C3orf22: variants seen among roughly 807,000 people sequenced by gnomAD.
The protein encoded by C3orf22 is chromosome 3 open reading frame 22, also known as uncharacterized protein C3orf22.
Under a neutral mutation model 10.8 loss-of-function variants are expected in C3orf22, and 7 were observed. The ratio of observed to expected loss-of-function variants is 0.65; its 90% CI spans 0.37 to 1.22. The LOEUF (loss-of-function observed/expected upper bound fraction) is 1.22, where lower values mean the gene tolerates loss of function less well. Among genes scored for constraint, C3orf22 ranks in the 50% most tolerant of loss-of-function variants. The pLI is 0.02. For missense variants in C3orf22, 173 were observed against 177.0 expected (o/e 0.98, Z 0.13); for synonymous variants, 79 against 78.9 (o/e 1.00, Z 0.00).
intron 2 of C3orf22, among the ~76,000 whole-genome samples, chr3:126,552,398 G>A (rs1937212962): frequency 6.6e-6 from 1 of 152,216 alleles, no homozygotes; most frequent in African/African-American, 2.4e-5. Context: ...ACGGTGCAGA[G>A]CACTTGAGCC....
chr3:126,540,050 G>T (rs948618409), intron 4 of C3orf22, among the ~76,000 whole-genome samples: 21 of 147,014 alleles, frequency 1.4e-4, no homozygotes, highest in Non-Finnish European at 2.6e-4. Flanking sequence ...ACCACACAGA[G>T]ACATCATGCA....
Position 126,537,944 on chromosome 3 carries a change from C to T in C3orf22, c.287-8572G>A, listed in dbSNP as rs111339448. On this transcript the variant is annotated intron_variant and NMD_transcript_variant, in intron 4 of 5. Transcript: ENST00000505070. ...GACTAGAGCCAGCAAGGAATCCAGGCAGCCACACTGTGGGGGTGAGGACAG... is the reference window on the plus strand; with the variant it reads ...GACTAGAGCCAGCAAGGAATCCAGGTAGCCACACTGTGGGGGTGAGGACAG... Among the ~76,000 whole-genome samples, 1,331 of 152,300 alleles carry T rather than the reference C, an allele frequency of 8.7e-3. 13 individuals are homozygous for T. Among genetic ancestry groups the T allele is most frequent in the Middle Eastern group, 0.027 (8 of 294 alleles).
At chr3:126,542,527 G>A in intron 4 of C3orf22, 4 of 1,540,422 alleles carry the variant, frequency 2.6e-6, no homozygotes, top group Non-Finnish European at 3.5e-6. Flanking sequence ...TCTACAAGAT[G>A]GACTTCCTGC....
intron 1 of C3orf22, among the ~76,000 whole-genome samples, chr3:126,555,450 C>T (rs1250764579): frequency 2.0e-5 from 3 of 152,186 alleles, no homozygotes; most frequent in Non-Finnish European, 4.4e-5. Context: ...GGAACTGGGC[C>T]GCACAGCAGG....
intron 1 of C3orf22, 40 bp from the exon 2 acceptor site, chr3:126,553,470 T>TA: frequency 1.8e-6 from 1 of 543,612 alleles, no homozygotes; most frequent in African/African-American, 2.3e-5. Context: ...GCAGGGGTGG[T>TA]GGGGGGCAGA....
intron 4 of C3orf22, chr3:126,542,131 C>A (rs765031113): frequency 6.4e-6 from 10 of 1,567,824 alleles, no homozygotes; most frequent in Non-Finnish European, 8.6e-6. Context: ...GCCCCTACAG[C>A]GCCGCCTTCC....
intron 4 of C3orf22, among the ~76,000 whole-genome samples, chr3:126,530,924 C>T (rs931531164): frequency 1.3e-5 from 2 of 152,222 alleles, no homozygotes; most frequent in East Asian, 1.9e-4. Context: ...GTGGCCTGGG[C>T]GCAGAGGGGG....
chr3:126,555,430 G>A (rs1458603765), intron 1 of C3orf22, among the ~76,000 whole-genome samples: 5 of 152,174 alleles, frequency 3.3e-5, no homozygotes, highest in Admixed American at 6.5e-5. Context: ...GCTAGACCCC[G>A]CTCCAGCATG....
At chr3:126,530,657 G>A (rs1002921712) in intron 4 of C3orf22, among the ~76,000 whole-genome samples, 6 of 152,248 alleles carry the variant, frequency 3.9e-5, no homozygotes, top group Non-Finnish European at 8.8e-5. Flanking sequence ...CTAGACTCAG[G>A]CCACACCCAG....
intron 4 of C3orf22, among the ~76,000 whole-genome samples, chr3:126,543,659 AGTGT>A (rs1376127200): frequency 6.6e-6 from 1 of 151,876 alleles, no homozygotes. Context: ...AGTGTGCATG[AGTGT>A]GTGAGTATAT....
chr3:126,549,262 CACA>C (rs374701703), downstream of C3orf22, among the ~76,000 whole-genome samples: 8,153 of 148,382 alleles, frequency 0.055, 304 homozygotes, highest in South Asian at 0.13. Context: ...CCCCCCCCCC[CACA>C]CACACACATA....
At chr3:126,539,202 C>T (rs1873394) in intron 4 of C3orf22, among the ~76,000 whole-genome samples, 80,475 of 152,092 alleles carry the variant, frequency 0.53, 23,766 homozygotes, top group South Asian at 0.73. Flanking sequence ...GGGATGACTG[C>T]GAAGCCAGTC....
chr3:126,549,911 G>T lies in C3orf22; in HGVS notation c.383C>A (p.Pro128His), dbSNP rs751094510. The T allele has an allele frequency of 3.7e-6, 6 of 1,614,046 alleles. No homozygotes were observed. The South Asian group carries it at 5.5e-5, about 15-fold the overall frequency. ...CAGCCCTGCCGCCTTGCTGGTCTGG[G>T]GGCAGGCAGCCTCAGTGTGCCGGGT... ...LSTRHTEAACPQTSKAAGLSR... is the reference protein window; with the variant it reads ...LSTRHTEAACHQTSKAAGLSR... Residue 128 changes from proline to histidine, a missense_variant, in exon 4 of 4, where the codon CCC (proline) becomes CAC (histidine). Physicochemically the swap from Pro to His is moderately conservative, Grantham distance 77. Transcript: ENST00000318225.
At chr3:126,539,838 C>CA (rs1936904897) in intron 4 of C3orf22, among the ~76,000 whole-genome samples, 1 of 82,104 alleles carries the variant, frequency 1.2e-5, no homozygotes, top group Admixed American at 1.2e-4. Context: ...CACACACACA[C>CA]CACACACATC....
intron 4 of C3orf22, chr3:126,536,447 C>T (rs1936793126): frequency 3.2e-6 from 3 of 944,490 alleles, no homozygotes; most frequent in South Asian, 3.2e-5. Flanking sequence ...TGAGACTGGA[C>T]CCCACACTGG....
At chr3:126,539,493 AC>A (rs2107570927) in intron 4 of C3orf22, among the ~76,000 whole-genome samples, 1 of 143,796 alleles carries the variant, frequency 7.0e-6, no homozygotes, top group East Asian at 2.1e-4. Context: ...ACACATATGT[AC>A]CCCACACCAC....
intron 4 of C3orf22, among the ~76,000 whole-genome samples, chr3:126,537,515 C>A (rs1936823234): frequency 6.6e-6 from 1 of 152,162 alleles, no homozygotes; most frequent in Admixed American, 6.5e-5. Context: ...GCGGAAGGGG[C>A]CTGTGGAGCT....
chr3:126,536,216 G>C, intron 4 of C3orf22: 1 of 1,519,956 alleles, frequency 6.6e-7, no homozygotes. Flanking sequence ...CAAACCCCCA[G>C]GTCCATGCAA....
At chr3:126,557,991 AGCCCCTTCCTGT>A (rs368458283) in intron 1 of C3orf22, among the ~76,000 whole-genome samples, 4 of 1,630 alleles carry the variant, frequency 2.5e-3, no homozygotes, top group Admixed American at 6.2e-3. Context: ...GCCCCAGCTC[AGCCCCTTCCTGT>A]CAGGTGCACT....
Sources: allele counts gnomAD v4.1 joint callset (sites outside exome capture counted in the v4.1 genomes callset), GRCh38; gene constraint gnomAD v4.1.1; transcripts MANE v1.5; gene names NCBI Gene and HGNC (gene_info 2026-07-23, HGNC 2026-07-21).